The following ZNF461 variants were observed in gnomAD, a reference collection of about 807,000 sequenced individuals.
ZNF461 encodes zinc finger protein 461.
ZNF461 carries 16 observed loss-of-function variants against 18.3 expected under a neutral mutation model. The ratio of observed to expected loss-of-function variants is 0.88; its 90% CI spans 0.59 to 1.33. The LOEUF (loss-of-function observed/expected upper bound fraction) is 1.33. Ranked by LOEUF, ZNF461 falls within the 40% of genes most tolerant of loss-of-function variation. ZNF461 has a pLI of 0.00. For missense variants in ZNF461, 595 were observed against 669.9 expected (o/e 0.89, Z 1.23); for synonymous variants, 179 against 216.9 (o/e 0.83, Z 1.54).
At chr19:36,656,569 T>G in intron 3 of ZNF461, 26 bp from the exon 4 acceptor site, 1 of 1,566,654 alleles carries the variant, frequency 6.4e-7, no homozygotes, top group South Asian at 1.1e-5. Context: ...GAAATTGAGA[T>G]GAGATGGAAA....
chr19:36,639,608 T>C lies in ZNF461; in HGVS notation c.737A>G (p.Asn246Ser), dbSNP rs368534825. 24 of 1,613,360 alleles carry C rather than the reference T, an allele frequency of 1.5e-5. No homozygotes were observed. The Admixed American group carries it at 3.8e-4, about 26-fold the overall frequency. ...QQTIQNGDKC[N>S]ECKECWKAFV... is the part of the protein sequence containing the mutation. ...GGCCTTCCAACATTCTTTACACTCA[T>C]TGCATTTGTCACCATTTTGAATTGT... The change falls in exon 6 of 6, where the codon AAT becomes AGT. Residue 246 changes from asparagine to serine, a missense_variant. By Grantham distance (46) the Asn-to-Ser change is conservative. Transcript: ENST00000588268.
At chr19:36,648,911 T>C (rs140785761) in intron 4 of ZNF461, among the ~76,000 whole-genome samples, 66 of 152,272 alleles carry the variant, frequency 4.3e-4, no homozygotes, top group African/African-American at 1.6e-3. Flanking sequence ...ATTTCCTTAA[T>C]GGCTAGTGAT....
intron 2 of ZNF461, among the ~76,000 whole-genome samples, chr19:36,660,800 A>G (rs1358438547): frequency 6.6e-6 from 1 of 152,034 alleles, no homozygotes; most frequent in Non-Finnish European, 1.5e-5. Context: ...AAAAATTGAT[A>G]CTAGATAAAA....
chr19:36,653,314 A>T (rs182335089), intron 4 of ZNF461, among the ~76,000 whole-genome samples: 155 of 152,290 alleles, frequency 1.0e-3, no homozygotes, highest in Middle Eastern at 3.4e-3. Flanking sequence ...ACCCATATAT[A>T]TGTGTATGTG....
Position 36,666,086 on chromosome 19 carries a change from TG to T in ZNF461, c.-81+603del, listed in dbSNP as rs939500934. ...CGTGTGAGCCTGAGGATAACGTGAATGTTTTTTTGTTTTTTTTTTTTTGAGA... is the reference window on the plus strand; with the variant it reads ...CGTGTGAGCCTGAGGATAACGTGAATTTTTTTTGTTTTTTTTTTTTTGAGA... On this transcript the variant is annotated intron_variant, in intron 1 of 5. Coordinates refer to ENST00000588268, the MANE Select transcript of ZNF461 (RefSeq NM_153257.5). Among the ~76,000 whole-genome samples the T allele has an allele frequency of 1.1e-3, 160 of 141,920 alleles. 1 individual carries two copies. In the East Asian group the frequency reaches 0.013, roughly 12 times the overall value. The allele number at this position is 141,920 out of a possible 152,430, so 93.1% of individuals were successfully genotyped here. A position where few individuals can be genotyped will look rare whatever the true frequency, so the allele number is the denominator to read the frequency against.
intron 2 of ZNF461, among the ~76,000 whole-genome samples, chr19:36,663,481 A>T (rs1441646938): frequency 1.3e-5 from 2 of 148,478 alleles, no homozygotes; most frequent in Non-Finnish European, 3.0e-5. Flanking sequence ...AATAAGGTAT[A>T]TATGTTTGCT....
chr19:36,658,575 G>A (rs1350571050), intron 2 of ZNF461, 150 bp from the exon 3 acceptor site: 1 of 719,422 alleles, frequency 1.4e-6, no homozygotes, highest in Non-Finnish European at 2.2e-6. Flanking sequence ...GAGGAATTTA[G>A]TGTGACTGAA....
At chr19:36,665,420 A>C (rs527885111) in intron 1 of ZNF461, among the ~76,000 whole-genome samples, 1 of 152,318 alleles carries the variant, frequency 6.6e-6, no homozygotes, top group Non-Finnish European at 1.5e-5. Flanking sequence ...TTTAGTAAGA[A>C]GTTGCAGAGG....
At chr19:36,660,432 G>A (rs759449295) in intron 2 of ZNF461, among the ~76,000 whole-genome samples, 3 of 152,084 alleles carry the variant, frequency 2.0e-5, no homozygotes, top group Non-Finnish European at 2.9e-5. Flanking sequence ...TTACAGGCAT[G>A]AGCCACTGCA....
In ZNF461 at chr19:36,637,418, T is replaced by A. The variant is rs1244045289; in HGVS notation, c.*1235A>T. 1 of 152,298 alleles carries A rather than the reference T, an allele frequency of 6.6e-6. No homozygotes were observed. Among genetic ancestry groups the A allele is most frequent in the African/African-American group, 2.4e-5 (1 of 41,386 alleles). 9.4% of individuals were successfully genotyped at this position (152,298 alleles called of 1,614,324 possible). On this transcript the variant is annotated 3_prime_UTR_variant, in exon 6 of 6. Coordinates refer to ENST00000588268, the MANE Select transcript of ZNF461 (RefSeq NM_153257.5). ...GGTTTCACCATGTTAGCCAGGATGG[T>A]CTCGATCTCCTGACCTCGTGATCCG...
At chr19:36,654,032 T>C (rs557970352) in intron 4 of ZNF461, among the ~76,000 whole-genome samples, 1 of 152,242 alleles carries the variant, frequency 6.6e-6, no homozygotes, top group African/African-American at 2.4e-5. Context: ...TGGTATGGTA[T>C]TGTACTATAG....
At chr19:36,664,652 C>CA in intron 2 of ZNF461, 46 bp downstream of exon 2, 2 of 1,445,682 alleles carry the variant, frequency 1.4e-6, no homozygotes, top group Non-Finnish European at 1.8e-6. Context: ...AACAAACAAA[C>CA]AAAAAATCAA....
chr19:36,660,786 G>T lies in ZNF461; in HGVS notation c.10-2361C>A, dbSNP rs761994657. On this transcript the variant is annotated intron_variant, in intron 2 of 5. Transcript: ENST00000588268. ...AAATGTAAAAGGAAATTCTTCAGGT[G>T]GAAAAAAATTGATACTAGATAAAAT... Among the ~76,000 whole-genome samples the T allele has an allele frequency of 6.6e-4, 100 of 151,148 alleles. 1 individual carries two copies. In the South Asian group the frequency reaches 8.2e-3, roughly 12 times the overall value.
chr19:36,650,206 C>T (rs2037602664), intron 4 of ZNF461, among the ~76,000 whole-genome samples: 1 of 151,892 alleles, frequency 6.6e-6, no homozygotes, highest in Admixed American at 6.6e-5. Flanking sequence ...TAATAAGAAT[C>T]CATGAGTCAA....
At chr19:36,656,206 C>T (rs1443918778) in intron 4 of ZNF461, among the ~76,000 whole-genome samples, 3 of 152,010 alleles carry the variant, frequency 2.0e-5, no homozygotes, top group East Asian at 1.9e-4. Flanking sequence ...ACCGTGGTCT[C>T]GATCTCCTGA....
chr19:36,651,293 C>G (rs1489118075), intron 4 of ZNF461, among the ~76,000 whole-genome samples: 1 of 147,656 alleles, frequency 6.8e-6, no homozygotes, highest in Non-Finnish European at 1.5e-5. Context: ...TGTTAAAAGA[C>G]TGAATGCTTT....
intron 4 of ZNF461, among the ~76,000 whole-genome samples, chr19:36,646,763 G>A (rs1039230777): frequency 2.6e-5 from 4 of 152,124 alleles, no homozygotes; most frequent in African/African-American, 7.2e-5. Flanking sequence ...TTAAAGAAAC[G>A]TGCAAAAAAT....
chr19:36,645,074 G>A (rs2037500377), intron 4 of ZNF461: 1 of 152,170 alleles, frequency 6.6e-6, no homozygotes, highest in South Asian at 2.1e-4. Context: ...AATAAAAATA[G>A]AAATGTAGCT....
At chr19:36,649,236 T>G (rs2037582676) in intron 4 of ZNF461, among the ~76,000 whole-genome samples, 1 of 152,166 alleles carries the variant, frequency 6.6e-6, no homozygotes, top group Non-Finnish European at 1.5e-5. Flanking sequence ...ATGAAGCACA[T>G]GTTGGAATTA....
Sources: gnomAD v4.1 joint callset for allele counts (sites outside exome capture counted in the v4.1 genomes callset) on GRCh38, gnomAD v4.1.1 for gene constraint, MANE v1.5 for transcripts, NCBI Gene and HGNC (gene_info 2026-07-23, HGNC 2026-07-21) for gene names.